MDGA1: variants seen among roughly 807,000 people sequenced by gnomAD.
MDGA1 encodes the protein MAM domain containing glycosylphosphatidylinositol anchor 1.
In MDGA1, 54 loss-of-function variants were observed where a neutral mutation model predicts 101.5. The observed-to-expected ratio is 0.53, with a 90% CI of 0.43 to 0.67. MDGA1 has a LOEUF of 0.67. Among genes scored for constraint, MDGA1 ranks in the 30% least tolerant of loss-of-function variants. The pLI is 0.00. For synonymous variants in MDGA1, 533 were observed against 558.3 expected (o/e 0.95, Z 0.64); for missense variants, 1,083 against 1,323.8 (o/e 0.82, Z 2.82).
chr6:37,664,135 T>C, intron 1 of MDGA1, 29 bp from the exon 2 acceptor site: 2 of 1,613,264 alleles, frequency 1.2e-6, no homozygotes, highest in Non-Finnish European at 8.5e-7. Context: ...GGAGGAGGTT[T>C]AGAGAAGAGG....
At chr6:37,658,710 G>A (rs906602944) in intron 2 of MDGA1, among the ~76,000 whole-genome samples, 1 of 152,172 alleles carries the variant, frequency 6.6e-6, no homozygotes, top group African/African-American at 2.4e-5. Flanking sequence ...GGTGGCTCAC[G>A]CCACTAATCC....
intron 1 of MDGA1, among the ~76,000 whole-genome samples, chr6:37,669,776 T>A (rs1318016083): frequency 6.6e-6 from 1 of 152,210 alleles, no homozygotes; most frequent in Non-Finnish European, 1.5e-5. Context: ...TCACTCAATC[T>A]GTCGAACAAT....
At position 37,696,676 on chromosome 6, in the gene MDGA1, GCA is replaced by G; in HGVS notation, c.67+67_67+68del. On this transcript the variant is annotated intron_variant, in intron 1 of 16. Transcript: ENST00000434837. This position sits in a 1 kb window ranked among gnomAD's most constrained non-coding sequence, Gnocchi z 5.6. ...GGTCTCCACCAAACCCCGGCAGCGC[GCA>G]CTTTGCGCCTCTTGCAAAGTTTCCG... 7.0e-7 allele frequency: 1 copy of G among 1,434,898 alleles called. No individual in the cohort carries two copies. The highest frequency in any genetic ancestry group is 1.2e-5 in the South Asian group (1 of 81,582). 88.9% of individuals were successfully genotyped at this position (1,434,898 alleles called of 1,614,324 possible). A position where few individuals can be genotyped will look rare whatever the true frequency, so the allele number is the denominator to read the frequency against.
chr6:37,694,511 C>CT (rs1561867768), intron 1 of MDGA1, among the ~76,000 whole-genome samples: 2 of 152,186 alleles, frequency 1.3e-5, no homozygotes, highest in African/African-American at 4.8e-5. Context: ...TTCTGCTTCG[C>CT]GGGTACAGAA....
chr6:37,696,869 C>T lies in MDGA1; in HGVS notation c.-58G>A. 1.4e-6 allele frequency: 2 copies of T among 1,474,250 alleles called. No individual in the cohort carries two copies. Among genetic ancestry groups the T allele is most frequent in the Non-Finnish European group, 1.9e-6 (2 of 1,078,574 alleles). The allele number at this position is 1,474,250 out of a possible 1,614,324, so 91.3% of individuals were successfully genotyped here. On this transcript the variant is annotated 5_prime_UTR_variant, in exon 1 of 17. Coordinates refer to ENST00000434837, the MANE Select transcript of MDGA1 (RefSeq NM_153487.4). This position sits in a 1 kb window ranked among gnomAD's most constrained non-coding sequence, Gnocchi z 5.6. ...GCGCAGCCCGAGAGGCGGCGGGGGG[C>T]GCATTCGCCGGGGCCCCGCGACGCC... is the stretch of plus-strand genomic sequence containing the variant.
intron 1 of MDGA1, among the ~76,000 whole-genome samples, chr6:37,687,787 C>T (rs1174886516): frequency 6.6e-6 from 1 of 151,934 alleles, no homozygotes; most frequent in East Asian, 1.9e-4. Flanking sequence ...TTATTCTTAA[C>T]CAAACAGGAA....
At position 37,649,274 on chromosome 6, in the gene MDGA1, C is replaced by A. The variant is rs373812833; in HGVS notation, c.1610-8G>T. 39 of 1,478,968 alleles carry A rather than the reference C, an allele frequency of 2.6e-5. No homozygotes were observed. Among genetic ancestry groups the A allele is most frequent in the Non-Finnish European group, 3.5e-5 (39 of 1,124,982 alleles). 91.6% of individuals were successfully genotyped at this position (1,478,968 alleles called of 1,614,324 possible). On this transcript the variant is annotated splice_region_variant and splice_polypyrimidine_tract_variant and intron_variant, in intron 8 of 16. Coordinates refer to ENST00000434837, the MANE Select transcript of MDGA1 (RefSeq NM_153487.4). ...GCTCCACCTCCGGCGGGACTGGGGG[C>A]GGGAGCGGCGGTCAGCGGGGCCTCT...
chr6:37,664,348 T>C, intron 1 of MDGA1: 1 of 510,074 alleles, frequency 2.0e-6, no homozygotes, highest in Non-Finnish European at 3.5e-6. Flanking sequence ...GCTGTGCTTT[T>C]CAGTGGGCTG....
chr6:37,683,236 G>A (rs769816165), intron 1 of MDGA1, among the ~76,000 whole-genome samples: 1 of 152,172 alleles, frequency 6.6e-6, no homozygotes, highest in African/African-American at 2.4e-5. Flanking sequence ...TGGAGAAATC[G>A]ACACACTTGG....
intron 1 of MDGA1, among the ~76,000 whole-genome samples, chr6:37,677,479 C>T (rs937696572): frequency 6.6e-6 from 1 of 152,194 alleles, no homozygotes; most frequent in African/African-American, 2.4e-5. Flanking sequence ...AACTCCAGCA[C>T]ATCGATGCAG....
chr6:37,658,426 C>T lies in MDGA1; in HGVS notation c.208-7G>A. On this transcript the variant is annotated splice_region_variant and splice_polypyrimidine_tract_variant and intron_variant, in intron 2 of 16. Coordinates refer to ENST00000434837, the MANE Select transcript of MDGA1 (RefSeq NM_153487.4). ...CCGTCTTGGTCCACCGTACCTGGGC[C>T]GCCAGGCGGGGCAGAGTCAGACTGT... The T allele has an allele frequency of 6.2e-7, 1 of 1,601,398 alleles. No individual in the cohort carries two copies. Among genetic ancestry groups the T allele is most frequent in the Non-Finnish European group, 8.5e-7 (1 of 1,173,738 alleles).
Position 37,638,228 on chromosome 6 carries a change from CG to C in MDGA1, c.2752del (p.Arg918GlyfsTer11). 6.2e-7 allele frequency: 1 copy of C among 1,613,736 alleles called. No homozygotes were observed. The highest frequency in any genetic ancestry group is 8.5e-7 in the Non-Finnish European group (1 of 1,179,750). The part of the protein sequence containing the change: ...DVTLKKGECP[R>X]KQTDPNKVVV... ...ACCTTTATTGGGATCCGTCTGCTTC[CG>C]GGGACACTCCCCCTTCTTCAGTGTG... On this transcript the variant is annotated frameshift_variant, in exon 16 of 17. Transcript: ENST00000434837. LOFTEE classifies it high-confidence loss of function. The surrounding 1 kb of genome is among the most constrained non-coding windows in gnomAD (Gnocchi z 4.8).
Position 37,664,842 on chromosome 6 carries a change from G to GACACACACACACACAC in MDGA1, c.68-752_68-737dup, listed in dbSNP as rs35594367. Among the ~76,000 whole-genome samples, 79 of 55,258 alleles carry GACACACACACACACAC rather than the reference G, an allele frequency of 1.4e-3. 9 individuals carry two copies. Among genetic ancestry groups the GACACACACACACACAC allele is most frequent in the East Asian group, 5.8e-3 (5 of 862 alleles). 36.3% of individuals were successfully genotyped at this position (55,258 alleles called of 152,430 possible). A position where few individuals can be genotyped will look rare whatever the true frequency, so the allele number is the denominator to read the frequency against. On this transcript the variant is annotated intron_variant, in intron 1 of 16. Coordinates refer to ENST00000434837, the MANE Select transcript of MDGA1 (RefSeq NM_153487.4). ...TTTGCTTTTAGAGAGCCTAACCTAA[G>GACACACACACACACAC]ACACACACACACACACACACACACA...
rs1486187118 is a variant in MDGA1 at position 37,643,830 on chromosome 6, G to A, written c.2515C>T (p.His839Tyr). ...AKFYCVSFFYHMYGKHIGSLN... is the reference protein window; with the variant it reads ...AKFYCVSFFYYMYGKHIGSLN... ...TCACCGATGTGTTTCCCGTACATGTGGTAGAAGAAGGAGACACAGTAGAAC... is the reference window on the plus strand; with the variant it reads ...TCACCGATGTGTTTCCCGTACATGTAGTAGAAGAAGGAGACACAGTAGAAC... Residue 839 changes from histidine (H) to tyrosine (Y), a missense_variant, in exon 14 of 17, where the codon CAC becomes TAC. By Grantham distance (83) the His-to-Tyr change is moderately conservative. This residue lies in a region of MDGA1 where 657 missense variants were observed against 771.4 expected (regional missense o/e 0.85). Transcript: ENST00000434837. 1 of 1,613,928 alleles carries A rather than the reference G, an allele frequency of 6.2e-7. No homozygotes were observed. Among genetic ancestry groups the A allele is most frequent in the East Asian group, 2.2e-5 (1 of 44,886 alleles).
At chr6:37,693,766 A>T (rs897923630) in intron 1 of MDGA1, among the ~76,000 whole-genome samples, 41 of 152,354 alleles carry the variant, frequency 2.7e-4, no homozygotes, top group Non-Finnish European at 8.8e-5. Flanking sequence ...CCAGAGGACA[A>T]CAAACTGGGC....
In MDGA1 at chr6:37,694,199, G is replaced by A. The variant is rs570654984; in HGVS notation, c.67+2546C>T. Among the ~76,000 whole-genome samples the A allele has an allele frequency of 6.6e-5, 10 of 152,262 alleles. No individual in the cohort carries two copies. In the South Asian group the frequency reaches 1.5e-3, roughly 22 times the overall value. ...CTGCTGCCTCCCTCCCCAGTGCCAGGGCAATACTAGGCTTCCAGCCTCTTC... is the reference window on the plus strand; with the variant it reads ...CTGCTGCCTCCCTCCCCAGTGCCAGAGCAATACTAGGCTTCCAGCCTCTTC... On this transcript the variant is annotated intron_variant, in intron 1 of 16. Coordinates refer to ENST00000434837, the MANE Select transcript of MDGA1 (RefSeq NM_153487.4).
At chr6:37,637,932 T>C (rs1763967333) in intron 16 of MDGA1, 2 of 561,432 alleles carry the variant, frequency 3.6e-6, no homozygotes, top group Non-Finnish European at 6.3e-6. Context: ...CGCACAGATG[T>C]ATTCAGACAC....
intron 1 of MDGA1, among the ~76,000 whole-genome samples, chr6:37,679,359 G>A (rs910210): frequency 0.14 from 21,803 of 152,088 alleles, 2,137 homozygotes; most frequent in African/African-American, 0.29. Flanking sequence ...GAGGGAGGCT[G>A]CCCCTTGGGA....
At chr6:37,687,502 G>A (rs964757873) in intron 1 of MDGA1, among the ~76,000 whole-genome samples, 1 of 151,912 alleles carries the variant, frequency 6.6e-6, no homozygotes, top group Non-Finnish European at 1.5e-5. Flanking sequence ...CCAGGAGATC[G>A]AGGCTGCAGT....
Sources: allele counts gnomAD v4.1 joint callset (sites outside exome capture counted in the v4.1 genomes callset), GRCh38; gene constraint gnomAD v4.1.1; regional missense constraint gnomAD v4.1.1; non-coding constraint Gnocchi (gnomAD v3.1); transcripts MANE v1.5; gene names NCBI Gene and HGNC (gene_info 2026-07-23, HGNC 2026-07-21).